OOSP4B: variants seen among roughly 807,000 people sequenced by gnomAD.
The protein encoded by OOSP4B is oocyte secreted protein family member 4B.
intron 2 of OOSP4B, 76 bp downstream of exon 2, chr11:60,024,137 TC>T (rs1184423484): frequency 2.5e-6 from 1 of 397,826 alleles, no homozygotes; most frequent in Non-Finnish European, 4.4e-6. Flanking sequence ...AAAAGTTCCT[TC>T]CTAATTAAAA....
intron 1 of OOSP4B, among the ~76,000 whole-genome samples, chr11:60,020,401 C>T (rs1590591504): frequency 6.6e-6 from 1 of 151,118 alleles, no homozygotes; most frequent in Non-Finnish European, 1.5e-5. Context: ...CCAGCCCTGC[C>T]CCGCCAGGAG....
chr11:60,018,927 T>C (rs2096711), intron 1 of OOSP4B, among the ~76,000 whole-genome samples: 5,983 of 152,198 alleles, frequency 0.039, 389 homozygotes, highest in African/African-American at 0.14. Flanking sequence ...AAAAACCTAG[T>C]GCCTGTAGGC....
chr11:60,025,952 C>A (rs1854743102), intron 3 of OOSP4B, among the ~76,000 whole-genome samples: 1 of 152,078 alleles, frequency 6.6e-6, no homozygotes, highest in South Asian at 2.1e-4. Context: ...TTTGCATTTT[C>A]TGATAACTAA....
chr11:60,028,973 G>A (rs2134629656), intron 3 of OOSP4B, among the ~76,000 whole-genome samples: 1 of 105,446 alleles, frequency 9.5e-6, no homozygotes, highest in African/African-American at 3.8e-5. Flanking sequence ...CGTCTATATA[G>A]GCATCCACTG....
chr11:60,019,307 A>C (rs1179143094), intron 1 of OOSP4B, among the ~76,000 whole-genome samples: 1 of 152,228 alleles, frequency 6.6e-6, no homozygotes, highest in Admixed American at 6.5e-5. Flanking sequence ...TGAGCTCAGG[A>C]GTTCCAGACC....
chr11:60,020,712 G>T (rs1209763705), intron 1 of OOSP4B, among the ~76,000 whole-genome samples: 1 of 152,264 alleles, frequency 6.6e-6, no homozygotes, highest in Non-Finnish European at 1.5e-5. Flanking sequence ...CAGAGTGGGC[G>T]CCAAGGCCGA....
chr11:60,020,484 G>T (rs968463887), intron 1 of OOSP4B, among the ~76,000 whole-genome samples: 12 of 152,338 alleles, frequency 7.9e-5, no homozygotes, highest in Middle Eastern at 3.4e-3. Context: ...CTGCCCGGGT[G>T]GGGGCGGGGG....
chr11:60,018,069 T>C (rs1389711286), intron 1 of OOSP4B, among the ~76,000 whole-genome samples: 3 of 152,270 alleles, frequency 2.0e-5, no homozygotes, highest in Middle Eastern at 3.4e-3. Context: ...AATAAGATGA[T>C]GAGAGGCCCC....
chr11:60,028,733 G>A lies in OOSP4B; in HGVS notation c.303-1049G>A, dbSNP rs530756386. On this transcript the variant is annotated intron_variant, in intron 3 of 4. Transcript: ENST00000642343. Reference sequence around the variant, plus strand: ...CTGTGTTTGCTGGGATAGAGTAATGGTATTAAGACATGAAAAGAGAAAATA... The same window carrying A: ...CTGTGTTTGCTGGGATAGAGTAATGATATTAAGACATGAAAAGAGAAAATA... 2.0e-5 allele frequency among the ~76,000 whole-genome samples: 3 copies of A among 152,258 alleles called. No homozygotes were observed. In the East Asian group the frequency reaches 5.8e-4, roughly 29 times the overall value.
chr11:60,017,200 A>T, exon 1 of OOSP4B: 1 of 395,162 alleles, frequency 2.5e-6, no homozygotes, highest in Non-Finnish European at 4.5e-6. Flanking sequence ...TGCCTATGGC[A>T]CAGGTGAAGT....
chr11:60,027,176 G>A (rs978048913), intron 3 of OOSP4B, among the ~76,000 whole-genome samples: 5 of 151,986 alleles, frequency 3.3e-5, no homozygotes, highest in Non-Finnish European at 7.4e-5. Flanking sequence ...TCACTGTCAC[G>A]GAAGGAAAGA....
chr11:60,028,827 G>A (rs1269448590), intron 3 of OOSP4B, among the ~76,000 whole-genome samples: 2 of 152,140 alleles, frequency 1.3e-5, no homozygotes, highest in Admixed American at 6.6e-5. Flanking sequence ...TCCACGGTGG[G>A]TCCAAATGCC....
chr11:60,030,773 C>T (rs915007368), intron 4 of OOSP4B, 29 bp from the exon 5 acceptor site: 1 of 398,060 alleles, frequency 2.5e-6, no homozygotes, highest in Non-Finnish European at 4.4e-6. Flanking sequence ...TTAAGCAGCT[C>T]TTAACTGCTT....
chr11:60,019,492 CT>C (rs1404540071), intron 1 of OOSP4B: 1 of 156,434 alleles, frequency 6.4e-6, no homozygotes, highest in East Asian at 1.9e-4. Context: ...GAGTTTGTTC[CT>C]TCTGATGTTC....
chr11:60,018,860 A>T (rs1270885665), intron 1 of OOSP4B, among the ~76,000 whole-genome samples: 1 of 152,180 alleles, frequency 6.6e-6, no homozygotes, highest in Non-Finnish European at 1.5e-5. Context: ...ATTGAGAACT[A>T]AGTGTACTTT....
intron 3 of OOSP4B, among the ~76,000 whole-genome samples, chr11:60,027,721 C>G (rs2134628589): frequency 7.0e-6 from 1 of 143,246 alleles, no homozygotes. Flanking sequence ...AGGCAGATCA[C>G]TTGAGGCTAG....
At chr11:60,024,789 A>G (rs892389447) in intron 2 of OOSP4B, 119 bp from the exon 3 acceptor site, 4 of 394,396 alleles carry the variant, frequency 1.0e-5, no homozygotes, top group Non-Finnish European at 1.8e-5. Flanking sequence ...ACTATTTTAT[A>G]TCTGTTAAAT....
At chr11:60,019,133 G>A (rs889768773) in intron 1 of OOSP4B, among the ~76,000 whole-genome samples, 11 of 152,108 alleles carry the variant, frequency 7.2e-5, no homozygotes, top group African/African-American at 2.2e-4. Context: ...TGAGGCAGGA[G>A]AATCACTTGA....
intron 1 of OOSP4B, among the ~76,000 whole-genome samples, chr11:60,018,219 G>T (rs977025545): frequency 7.9e-5 from 12 of 152,164 alleles, no homozygotes; most frequent in Non-Finnish European, 1.8e-4. Context: ...GCAGCCTATG[G>T]ACTTTCTCCT....
Sources: allele counts gnomAD v4.1 joint callset (sites outside exome capture counted in the v4.1 genomes callset), GRCh38; gene constraint gnomAD v4.1.1; transcripts MANE v1.5; gene names NCBI Gene and HGNC (gene_info 2026-07-23, HGNC 2026-07-21).